SLC35B1: variants seen among roughly 807,000 people sequenced by gnomAD.
SLC35B1 encodes the protein ATP/ADP exchanger ER.
SLC35B1 carries 27 observed loss-of-function variants against 36.6 expected under a neutral mutation model. The observed-to-expected ratio is 0.74, with a 90% CI of 0.54 to 1.02. SLC35B1 has a LOEUF of 1.02. Ranked by LOEUF, SLC35B1 falls within the 50% of genes least tolerant of loss-of-function variation. The pLI is 0.00. For synonymous variants in SLC35B1, 162 were observed against 152.5 expected (o/e 1.06, Z -0.46); for missense variants, 321 against 383.2 (o/e 0.84, Z 1.35).
In SLC35B1 at chr17:49,706,244, G is replaced by C. The variant is rs377737560; in HGVS notation, c.299C>G (p.Ser100Cys). Reference protein sequence around the residue: ...CSISYLGAMVSSNSALQFVNY... With the variant: ...CSISYLGAMVCSNSALQFVNY... Reference sequence around the variant, plus strand: ...GACAAACTGTAGTGCTGAATTGCTGGAGACCATGGCACCCAGATAGGAGAT... The same window carrying C: ...GACAAACTGTAGTGCTGAATTGCTGCAGACCATGGCACCCAGATAGGAGAT... Residue 100 changes from serine to cysteine, a missense_variant, in exon 3 of 9, where the codon TCC becomes TGC. Coordinates refer to ENST00000240333, the MANE Select transcript of SLC35B1 (RefSeq NM_005827.4). 4 of 1,609,640 alleles carry C rather than the reference G, an allele frequency of 2.5e-6. No individual in the cohort carries two copies. The highest frequency in any genetic ancestry group is 3.4e-6 in the Non-Finnish European group (4 of 1,179,044).
In SLC35B1 at chr17:49,707,748, C is replaced by A. The variant is rs756545402; in HGVS notation, c.86G>T (p.Gly29Val). The change falls in exon 1 of 9, where the codon GGG (glycine) becomes GTG (valine). Residue 29 changes from glycine (G) to valine (V), a missense_variant. Gly to Val is a moderately radical substitution (Grantham distance 109). Coordinates refer to ENST00000240333, the MANE Select transcript of SLC35B1 (RefSeq NM_005827.4). ...LGVFVCYFYY[G>V]ILQEKITRGK... ...CGCTCACATCTTTTCCTGCAGGATC[C>A]CATAGTAAAAATAGCAGACAAAGAC... is the stretch of plus-strand genomic sequence containing the variant. 6.2e-7 allele frequency: 1 copy of A among 1,611,990 alleles called. No homozygotes were observed. Among genetic ancestry groups the A allele is most frequent in the Non-Finnish European group, 8.5e-7 (1 of 1,179,838 alleles).
At position 49,705,327 on chromosome 17, in the gene SLC35B1, T is replaced by C. The variant is rs375121193; in HGVS notation, c.371-46A>G. 41 of 1,586,362 alleles carry C rather than the reference T, an allele frequency of 2.6e-5. 1 individual carries two copies. Among genetic ancestry groups the C allele is most frequent in the Middle Eastern group, 3.3e-4 (2 of 6,002 alleles). On this transcript the variant is annotated intron_variant, in intron 4 of 8. Transcript: ENST00000240333. ...GGAAAATTCAGGCATCCATAAGGTATTGATGACCCCAATGCCCTCCCTCCC... is the reference window on the plus strand; with the variant it reads ...GGAAAATTCAGGCATCCATAAGGTACTGATGACCCCAATGCCCTCCCTCCC...
At chr17:49,705,346 C>A in intron 4 of SLC35B1, 65 bp from the exon 5 acceptor site, 2 of 1,477,544 alleles carry the variant, frequency 1.4e-6, no homozygotes, top group Non-Finnish European at 9.2e-7. Context: ...CCAATGCCCT[C>A]CCTCCCAGGA....
chr17:49,707,038 C>T lies in SLC35B1; in HGVS notation c.135G>A (p.Lys45=). 1 of 1,613,936 alleles carries T rather than the reference C, an allele frequency of 6.2e-7. No individual in the cohort carries two copies. The highest frequency in any genetic ancestry group is 2.2e-5 in the East Asian group (1 of 44,868). The part of the protein sequence containing the change: ...ITRGKYGEGA[K]QETFTFALTL... ...TTAAGGCAAAGGTGAACGTCTCCTGCTTGGCTCCTTCCCCATACTTTCCTC... is the reference window on the plus strand; with the variant it reads ...TTAAGGCAAAGGTGAACGTCTCCTGTTTGGCTCCTTCCCCATACTTTCCTC... Residue 45 remains lysine (K), a synonymous_variant, in exon 2 of 9, where the codon AAG becomes AAA. Transcript: ENST00000240333.
chr17:49,706,481 T>C (rs2073422039), intron 2 of SLC35B1, 147 bp from the exon 3 acceptor site: 3 of 741,962 alleles, frequency 4.0e-6, no homozygotes, highest in Non-Finnish European at 6.1e-6. Context: ...ACACAAGCTA[T>C]TTCTGTCCTG....
At chr17:49,708,017 G>A (rs2073444614), upstream of SLC35B1, 30 of 1,313,044 alleles carry the variant, frequency 2.3e-5, no homozygotes, top group South Asian at 5.2e-5. Context: ...TGGCTGCCAA[G>A]GGGGAAACTC....
At chr17:49,705,737 A>T (rs970089967) in intron 4 of SLC35B1, 129 bp downstream of exon 4, 13 of 849,202 alleles carry the variant, frequency 1.5e-5, no homozygotes, top group Non-Finnish European at 2.6e-5. Flanking sequence ...CAGCAGGGAG[A>T]GCTGGGGGAA....
In SLC35B1 at chr17:49,706,346, C is replaced by CAAAAAAAAAAAAAAAAAAAAAAAAAAA. The variant is rs61136804; in HGVS notation, c.209-13_209-12insTTTTTTTTTTTTTTTTTTTTTTTTTTT. 7 of 733,608 alleles carry CAAAAAAAAAAAAAAAAAAAAAAAAAAA rather than the reference C, an allele frequency of 9.5e-6. No homozygotes were observed. The highest frequency in any genetic ancestry group is 4.6e-5 in the South Asian group (1 of 21,782). The allele number at this position is 733,608 out of a possible 1,614,324, so 45.4% of individuals were successfully genotyped here. On this transcript the variant is annotated splice_polypyrimidine_tract_variant and intron_variant, in intron 2 of 8. Coordinates refer to ENST00000240333, the MANE Select transcript of SLC35B1 (RefSeq NM_005827.4). ...AAAAAACTGGATCACTGGGAGAAGA[C>CAAAAAAAAAAAAAAAAAAAAAAAAAAA]AAAAAAAAAAAAAAAAAAAGAAAAG...
intron 4 of SLC35B1, 25 bp downstream of exon 4, chr17:49,705,841 G>A: frequency 1.2e-6 from 2 of 1,612,152 alleles, no homozygotes. Flanking sequence ...GACGACAGAA[G>A]AGGAAGACCA....
At chr17:49,703,457 T>A in intron 6 of SLC35B1, 163 bp from the exon 7 acceptor site, 1 of 584,710 alleles carries the variant, frequency 1.7e-6, no homozygotes, top group South Asian at 1.9e-5. Context: ...TTGCATCGTC[T>A]CATCATTGAT....
intron 2 of SLC35B1, 32 bp from the exon 3 acceptor site, chr17:49,706,366 G>GAAA: frequency 2.2e-6 from 1 of 455,182 alleles, no homozygotes; most frequent in Non-Finnish European, 2.9e-6. Context: ...AAAAAAAAAA[G>GAAA]AAAAGAAAAG....
intron 8 of SLC35B1, chr17:49,702,143 C>T (rs2073359079): frequency 6.0e-6 from 1 of 167,798 alleles, no homozygotes; most frequent in Non-Finnish European, 1.3e-5. Context: ...TCTTTGGATA[C>T]AGATTTTCAC....
At chr17:49,701,943 A>AT in intron 8 of SLC35B1, 1 of 403,418 alleles carries the variant, frequency 2.5e-6, no homozygotes, top group South Asian at 1.8e-5. Context: ...AAAAAAAAAA[A>AT]TTGGTCAGGT....
chr17:49,707,464 C>T (rs2073434081), intron 1 of SLC35B1: 2 of 1,475,544 alleles, frequency 1.4e-6, no homozygotes, highest in South Asian at 1.2e-5. Flanking sequence ...GAATAGAAGT[C>T]TCAGCCTGTA....
rs2073368062 is a variant in SLC35B1, at chr17:49,702,852, A to G, written c.916+6T>C. On this transcript the variant is annotated splice_donor_region_variant and intron_variant, in intron 8 of 8. Coordinates refer to ENST00000240333, the MANE Select transcript of SLC35B1 (RefSeq NM_005827.4). The stretch of plus-strand genomic sequence containing the variant: ...GCTGTCACTGTGTCTCTGTGTGGCC[A>G]CTTACCCAGGAACACAAGCACAGTG... 1.9e-6 allele frequency: 3 copies of G among 1,612,504 alleles called. No individual in the cohort carries two copies. Among genetic ancestry groups the G allele is most frequent in the Non-Finnish European group, 8.5e-7 (1 of 1,178,842 alleles).
At chr17:49,701,914 A>G in intron 8 of SLC35B1, 1 of 325,470 alleles carries the variant, frequency 3.1e-6, no homozygotes, top group South Asian at 2.2e-5. Context: ...ACACAGCAAG[A>G]CCCCATCGCT....
rs753919044 is a variant in SLC35B1, at chr17:49,701,465, G to T, written c.962C>A (p.Ser321Tyr). ...AKFGKGAKKTSH is the reference protein window; with the variant it reads ...AKFGKGAKKTYH ...GAGGTAGTCTCTCTCTTCCTAGTGGGATGTCTTCTTAGCTCCTTTCCCAAA... is the reference window on the plus strand; with the variant it reads ...GAGGTAGTCTCTCTCTTCCTAGTGGTATGTCTTCTTAGCTCCTTTCCCAAA... The change falls in exon 9 of 9, where the codon TCC (serine) becomes TAC (tyrosine). Residue 321 changes from serine (S) to tyrosine (Y), a missense_variant. Transcript: ENST00000240333. The T allele has an allele frequency of 4.3e-6, 7 of 1,612,608 alleles. No individual in the cohort carries two copies. The South Asian group carries it at 6.6e-5, about 15-fold the overall frequency.
At chr17:49,704,810 T>G (rs1017114254) in intron 5 of SLC35B1, among the ~76,000 whole-genome samples, 10 of 152,154 alleles carry the variant, frequency 6.6e-5, no homozygotes, top group Non-Finnish European at 1.3e-4. Flanking sequence ...GGCTTCCAGG[T>G]TTCTTGGAAA....
chr17:49,706,461 G>T, intron 2 of SLC35B1, 127 bp from the exon 3 acceptor site: 1 of 878,300 alleles, frequency 1.1e-6, no homozygotes, highest in Non-Finnish European at 1.6e-6. Flanking sequence ...GAACTTGTCT[G>T]TCAAACAAGA....
Sources: allele counts gnomAD v4.1 joint callset (sites outside exome capture counted in the v4.1 genomes callset), GRCh38; gene constraint gnomAD v4.1.1; transcripts MANE v1.5; gene names NCBI Gene and HGNC (gene_info 2026-07-23, HGNC 2026-07-21).